NAALADL2: variants seen among roughly 807,000 people sequenced by gnomAD.
NAALADL2 encodes inactive N-acetylated-alpha-linked acidic dipeptidase-like protein 2.
A neutral mutation model predicts 87.2 loss-of-function variants in NAALADL2; 76 were observed. The observed-to-expected ratio is 0.87, with a 90% CI of 0.72 to 1.05. NAALADL2 has a LOEUF of 1.05. NAALADL2 is among the 50% of genes least tolerant of loss of function. NAALADL2 has a pLI of 0.00. For missense variants in NAALADL2, 1,089 were observed against 945.8 expected (o/e 1.15, Z -1.99); for synonymous variants, 354 against 331.0 (o/e 1.07, Z -0.75).
At chr3:174,971,649 C>G (rs1279593323) in intron 1 of NAALADL2, among the ~76,000 whole-genome samples, 1 of 149,270 alleles carries the variant, frequency 6.7e-6, no homozygotes, top group Non-Finnish European at 1.5e-5. Context: ...TCAACTCAAA[C>G]AGTCAGTATG....
At chr3:175,462,559 G>A (rs1286247959) in intron 6 of NAALADL2, among the ~76,000 whole-genome samples, 1 of 152,122 alleles carries the variant, frequency 6.6e-6, no homozygotes, top group Non-Finnish European at 1.5e-5. Context: ...GCTTTCAAAT[G>A]TGCCATGCTC....
intron 1 of NAALADL2, among the ~76,000 whole-genome samples, chr3:175,053,040 C>T (rs143959700): frequency 7.2e-5 from 11 of 152,294 alleles, no homozygotes; most frequent in Non-Finnish European, 1.5e-4. Context: ...GCCTGTTCTG[C>T]AATGTGATCT....
At chr3:175,634,866 C>T (rs1728293650) in intron 11 of NAALADL2, among the ~76,000 whole-genome samples, 1 of 151,854 alleles carries the variant, frequency 6.6e-6, no homozygotes, top group Admixed American at 6.6e-5. Context: ...TTACTAGATG[C>T]AAGACGTCTC....
rs894639363 is a variant in NAALADL2 at position 175,431,834 on chromosome 3, A to T, written c.1091-15395A>T. ...CAAGTCTTCCTACTGAATCCGTGTG[A>T]TTAATAGGACTTTTATTCTTATACT... is the stretch of plus-strand genomic sequence containing the variant. On this transcript the variant is annotated intron_variant, in intron 5 of 13. Transcript: ENST00000454872. Among the ~76,000 whole-genome samples the T allele has an allele frequency of 4.0e-5, 6 of 151,896 alleles. No homozygotes were observed. The Admixed American group carries it at 4.0e-4, about 10-fold the overall frequency.
At chr3:175,206,296 GT>G (rs1740876016) in intron 2 of NAALADL2, among the ~76,000 whole-genome samples, 1 of 101,680 alleles carries the variant, frequency 9.8e-6, no homozygotes, top group Non-Finnish European at 1.8e-5. Context: ...GTATGTATGT[GT>G]ATATATATAT....
At chr3:174,533,626 G>T (rs1721444775) in intron 1 of NAALADL2, among the ~76,000 whole-genome samples, 1 of 24,632 alleles carries the variant, frequency 4.1e-5, no homozygotes, top group Non-Finnish European at 1.2e-4. Flanking sequence ...GAAATTAGTT[G>T]GAAAAAAAAA....
chr3:174,467,990 G>A (rs1174241765), intron 1 of NAALADL2, among the ~76,000 whole-genome samples: 1 of 152,072 alleles, frequency 6.6e-6, no homozygotes, highest in Non-Finnish European at 1.5e-5. Context: ...GACAAAAATT[G>A]TGGGATGTTT....
At chr3:175,025,895 C>T (rs1580087856) in intron 1 of NAALADL2, among the ~76,000 whole-genome samples, 1 of 152,216 alleles carries the variant, frequency 6.6e-6, no homozygotes, top group East Asian at 1.9e-4. Flanking sequence ...CTGCAGCCTC[C>T]ACCTCTCAGG....
intron 4 of NAALADL2, among the ~76,000 whole-genome samples, chr3:175,295,544 T>C (rs1204144222): frequency 6.6e-6 from 1 of 152,158 alleles, no homozygotes; most frequent in Non-Finnish European, 1.5e-5. Flanking sequence ...ACTGCATGTC[T>C]TTAATCCTTC....
At chr3:175,354,393 C>A (rs1019335272) in intron 5 of NAALADL2, among the ~76,000 whole-genome samples, 1 of 151,988 alleles carries the variant, frequency 6.6e-6, no homozygotes, top group African/African-American at 2.4e-5. Flanking sequence ...CAACTGATAG[C>A]ATGAAGATAA....
chr3:175,628,286 C>A (rs1306278458), intron 11 of NAALADL2, among the ~76,000 whole-genome samples: 1 of 151,654 alleles, frequency 6.6e-6, no homozygotes, highest in Non-Finnish European at 1.5e-5. Flanking sequence ...AGTGTCTGAG[C>A]ATATTTAAGA....
intron 1 of NAALADL2, among the ~76,000 whole-genome samples, chr3:174,897,720 T>C (rs1731725691): frequency 6.6e-6 from 1 of 152,176 alleles, no homozygotes; most frequent in South Asian, 2.1e-4. Context: ...TGCACTCCTA[T>C]AATTGTCACA....
rs576690357 is a variant in NAALADL2, at chr3:175,362,250, T to C, written c.1090+37925T>C. ...TATCTCTGTTTTGGTACCAGTACCATGCTGTTTTGGTTACTGTAGCCTTGT... is the reference window on the plus strand; with the variant it reads ...TATCTCTGTTTTGGTACCAGTACCACGCTGTTTTGGTTACTGTAGCCTTGT... On this transcript the variant is annotated intron_variant, in intron 5 of 13. Transcript: ENST00000454872. Among the ~76,000 whole-genome samples, 986 of 148,518 alleles carry C rather than the reference T, an allele frequency of 6.6e-3. 90 individuals are homozygous for C. Among genetic ancestry groups the C allele is most frequent in the Admixed American group, 0.01 (148 of 14,544 alleles).
chr3:174,605,841 A>T (rs1468482719), intron 2 of NAALADL2, among the ~76,000 whole-genome samples: 1 of 152,118 alleles, frequency 6.6e-6, no homozygotes, highest in Admixed American at 6.5e-5. Flanking sequence ...GCAGCTGGAG[A>T]TCTGAGAACG....
At chr3:174,854,156 A>C (rs1725587137) in intron 3 of NAALADL2, among the ~76,000 whole-genome samples, 1 of 152,218 alleles carries the variant, frequency 6.6e-6, no homozygotes, top group African/African-American at 2.4e-5. Flanking sequence ...ATGAATGAAT[A>C]AATAAAATAT....
chr3:175,133,897 T>C (rs987909602), intron 2 of NAALADL2, among the ~76,000 whole-genome samples: 1 of 152,212 alleles, frequency 6.6e-6, no homozygotes, highest in African/African-American at 2.4e-5. Context: ...TCTGAGGTGA[T>C]GTAACTGAAC....
In NAALADL2 at chr3:175,459,532, A is replaced by G. The variant is rs1581974499; in HGVS notation, c.1235-3869A>G. Among the ~76,000 whole-genome samples the G allele has an allele frequency of 2.6e-5, 4 of 152,220 alleles. 1 individual carries two copies. The highest frequency in any genetic ancestry group is 2.6e-4 in the Admixed American group (4 of 15,280). ...AATGGGAGAGAGAAAATGGTCAAAA[A>G]AGTAATAATAATTTTTCCAGAAAAA... is the stretch of plus-strand genomic sequence containing the variant. On this transcript the variant is annotated intron_variant, in intron 6 of 13. Transcript: ENST00000454872.
At chr3:174,624,691 A>G (rs1463089565) in intron 2 of NAALADL2, among the ~76,000 whole-genome samples, 3 of 151,862 alleles carry the variant, frequency 2.0e-5, no homozygotes, top group Non-Finnish European at 4.4e-5. Flanking sequence ...AAAACTGTTC[A>G]TTTCAAAATA....
At chr3:175,308,949 A>G (rs975306667) in intron 4 of NAALADL2, among the ~76,000 whole-genome samples, 1 of 152,170 alleles carries the variant, frequency 6.6e-6, no homozygotes, top group African/African-American at 2.4e-5. Flanking sequence ...GAAGCTAGCA[A>G]TAATTCATGG....
Sources: gnomAD v4.1 joint callset for allele counts (sites outside exome capture counted in the v4.1 genomes callset) on GRCh38, gnomAD v4.1.1 for gene constraint, MANE v1.5 for transcripts, NCBI Gene and HGNC (gene_info 2026-07-23, HGNC 2026-07-21) for gene names.